Variants in SMS observed in about 807,000 individuals in gnomAD.
SMS encodes the protein spermidine aminopropyltransferase.
In SMS, 3 loss-of-function variants were observed where a neutral mutation model predicts 33.0. The observed-to-expected ratio is 0.09, with a 90% CI of 0.04 to 0.23. SMS has a LOEUF of 0.23. Among genes scored for constraint, SMS ranks in the 10% least tolerant of loss-of-function variants. The pLI is 1.00. For missense variants in SMS, 117 were observed against 288.6 expected (o/e 0.41, Z 4.31); for synonymous variants, 103 against 112.2 (o/e 0.92, Z 0.52).
At chrX:21,965,662 G>C (rs191335711) in intron 1 of SMS, among the ~76,000 whole-genome samples, 2,306 of 106,485 alleles carry the variant, frequency 0.022, 68 homozygotes, top group African/African-American at 0.077. Flanking sequence ...GCAGGAGAAT[G>C]GTGTGAACCT....
chrX:21,963,459 C>A (rs1457379864), intron 1 of SMS, among the ~76,000 whole-genome samples: 1 of 112,456 alleles, frequency 8.9e-6, no homozygotes, highest in Non-Finnish European at 1.9e-5. Flanking sequence ...CTGAACTTGG[C>A]GGGTAAGCCT....
chrX:21,946,878 T>G (rs1922274669), intron 1 of SMS, among the ~76,000 whole-genome samples: 1 of 111,931 alleles, frequency 8.9e-6, no homozygotes, highest in African/African-American at 3.2e-5. Flanking sequence ...GTGTCAGTTA[T>G]GCCCACAAAT....
At chrX:21,983,672 TTGAG>T (rs973079835) in intron 7 of SMS, among the ~76,000 whole-genome samples, 2 of 111,138 alleles carry the variant, frequency 1.8e-5, no homozygotes, top group African/African-American at 6.5e-5. Context: ...TGTTAATAGT[TTGAG>T]TAAGGTGCAA....
intron 1 of SMS, among the ~76,000 whole-genome samples, chrX:21,948,210 T>C (rs923507947): frequency 9.0e-6 from 1 of 111,446 alleles, no homozygotes; most frequent in Non-Finnish European, 1.9e-5. Context: ...TAGCATATGG[T>C]AAGATTTTAG....
chrX:21,985,025 T>C, intron 8 of SMS, 119 bp from the exon 9 acceptor site: 1 of 494,864 alleles, frequency 2.0e-6, no homozygotes, highest in Non-Finnish European at 3.7e-6. Context: ...TAGTGGGTCT[T>C]ACACTCGTGG....
chrX:21,953,184 A>C (rs753562229), intron 1 of SMS, among the ~76,000 whole-genome samples: 2 of 110,175 alleles, frequency 1.8e-5, no homozygotes, highest in African/African-American at 6.6e-5. Context: ...AGAGAGACCA[A>C]TGGGGTTCAG....
chrX:21,975,330 A>C (rs1924464576), intron 4 of SMS, among the ~76,000 whole-genome samples: 1 of 111,957 alleles, frequency 8.9e-6, no homozygotes, highest in Non-Finnish European at 1.9e-5. Context: ...CTAGTCTTTA[A>C]AAAAACCATA....
chrX:21,993,868 C>T (rs1057287619), intron 10 of SMS, among the ~76,000 whole-genome samples: 1 of 109,616 alleles, frequency 9.1e-6, no homozygotes. Flanking sequence ...TTCCTTCCCT[C>T]TCCTTTCCTC....
At chrX:21,976,096 G>A (rs1924515026) in intron 4 of SMS, among the ~76,000 whole-genome samples, 1 of 110,380 alleles carries the variant, frequency 9.1e-6, no homozygotes, top group South Asian at 3.9e-4. Context: ...TCCTCTGCTG[G>A]TACCTTCTAG....
At chrX:21,984,679 A>G (rs1035075513) in intron 8 of SMS, among the ~76,000 whole-genome samples, 1 of 112,216 alleles carries the variant, frequency 8.9e-6, no homozygotes, top group African/African-American at 3.2e-5. Flanking sequence ...TTGACAATTT[A>G]TTTAAATTAT....
chrX:21,965,584 CA>C (rs372094407), intron 1 of SMS, among the ~76,000 whole-genome samples: 2 of 60,627 alleles, frequency 3.3e-5, no homozygotes, highest in African/African-American at 9.0e-5. Context: ...ACTACAAATA[CA>C]AAAAAAAAAA....
At chrX:21,958,718 C>G (rs1444252661) in intron 1 of SMS, among the ~76,000 whole-genome samples, 1 of 112,103 alleles carries the variant, frequency 8.9e-6, no homozygotes, top group Non-Finnish European at 1.9e-5. Context: ...CTCTTGTTGC[C>G]CAGGCTGGAG....
intron 2 of SMS, among the ~76,000 whole-genome samples, chrX:21,968,763 T>A (rs1248083051): frequency 5.3e-5 from 6 of 112,317 alleles, no homozygotes; most frequent in Admixed American, 4.7e-4. Flanking sequence ...GTAAAACTAC[T>A]AATTAAGATT....
At position 21,963,488 on chromosome X, in the gene SMS, A is replaced by G. The variant is rs776964944; in HGVS notation, c.50-3708A>G. ...TAAGCCTATAGTGTGGGAACAAGTA[A>G]TACTTCAAATCGGATTTCTTGTGTA... On this transcript the variant is annotated intron_variant, in intron 1 of 10. Coordinates refer to ENST00000404933, the MANE Select transcript of SMS (RefSeq NM_004595.5). 4.4e-5 allele frequency among the ~76,000 whole-genome samples: 5 copies of G among 112,469 alleles called. No individual in the cohort carries two copies. The East Asian group carries it at 1.4e-3, about 31-fold the overall frequency.
chrX:21,967,143 T>G lies in SMS; in HGVS notation c.50-53T>G, dbSNP rs1182219261. ...TCCTCAAACTGTGCCTCATTGGCCT[T>G]CCTTCTGAACGTTTCTTTCTGACCA... On this transcript the variant is annotated intron_variant, in intron 1 of 10. Coordinates refer to ENST00000404933, the MANE Select transcript of SMS (RefSeq NM_004595.5). The G allele has an allele frequency of 5.0e-6, 6 of 1,190,597 alleles. No individual in the cohort carries two copies. In the East Asian group the frequency reaches 1.2e-4, roughly 24 times the overall value.
At chrX:21,968,464 A>G (rs942535028) in intron 2 of SMS, among the ~76,000 whole-genome samples, 2 of 111,814 alleles carry the variant, frequency 1.8e-5, no homozygotes, top group Non-Finnish European at 3.8e-5. Context: ...TTGAAAAGGC[A>G]GGCAATGATC....
chrX:21,976,811 TCTC>T lies in SMS; in HGVS notation c.330-247_330-245del, dbSNP rs781001559. ...AATATGAAGTGTGCAGTGGCCATCT[TCTC>T]CTTCAGCTTTTTGTTAGAGAAAATC... On this transcript the variant is annotated intron_variant, in intron 4 of 10. Coordinates refer to ENST00000404933, the MANE Select transcript of SMS (RefSeq NM_004595.5). Among the ~76,000 whole-genome samples the T allele has an allele frequency of 2.7e-4, 30 of 112,272 alleles. No individual in the cohort carries two copies. In the South Asian group the frequency reaches 4.8e-3, roughly 18 times the overall value.
At chrX:21,985,261 A>C (rs773559429) in intron 9 of SMS, 38 bp downstream of exon 9, 11 of 838,705 alleles carry the variant, frequency 1.3e-5, no homozygotes, top group Admixed American at 4.4e-5. Context: ...AAAACGCTCT[A>C]AGACTTTCCT....
At chrX:21,947,344 C>T (rs762484297) in intron 1 of SMS, among the ~76,000 whole-genome samples, 3 of 111,481 alleles carry the variant, frequency 2.7e-5, no homozygotes, top group South Asian at 7.5e-4. Context: ...CTACTCTACA[C>T]GGACTGAATC....
Sources: allele counts gnomAD v4.1 joint callset (sites outside exome capture counted in the v4.1 genomes callset), GRCh38; gene constraint gnomAD v4.1.1; transcripts MANE v1.5; gene names NCBI Gene and HGNC (gene_info 2026-07-23, HGNC 2026-07-21).